Variants in ZNF318 observed in about 807,000 individuals in gnomAD.
The protein encoded by ZNF318 is zinc finger protein 318, also known as endocrine regulator.
A neutral mutation model predicts 124.2 loss-of-function variants in ZNF318; 51 were observed. The observed-to-expected ratio is 0.41, with a 90% CI of 0.33 to 0.52. The LOEUF (loss-of-function observed/expected upper bound fraction) is 0.52. Ranked by LOEUF, ZNF318 falls within the 20% of genes least tolerant of loss-of-function variation. ZNF318 has a pLI of 0.23. For missense variants in ZNF318, 2,815 were observed against 2,811.2 expected (o/e 1.00, Z -0.03); for synonymous variants, 1,090 against 1,040.7 (o/e 1.05, Z -0.91).
At chr6:43,346,078 G>GT (rs1409308783) in intron 6 of ZNF318, among the ~76,000 whole-genome samples, 3 of 148,626 alleles carry the variant, frequency 2.0e-5, no homozygotes, top group Non-Finnish European at 4.4e-5. Flanking sequence ...GCACACGCCT[G>GT]TAACTCCAGC....
chr6:43,337,213 T>C lies in ZNF318; in HGVS notation c.6785A>G (p.Gln2262Arg). The part of the protein sequence containing the change: ...DNMVPQGMPE[Q>R]ETTVGAIQDH... ...CTGGATGGCACCAACTGTAGTTTCC[T>C]GTTCAGGCATTCCCTGAGGGACCAT... The change falls in exon 10 of 10, where the codon CAG becomes CGG. Residue 2262 changes from glutamine to arginine, a missense_variant. By Grantham distance (43) the Gln-to-Arg change is conservative. Coordinates refer to ENST00000361428, the MANE Select transcript of ZNF318 (RefSeq NM_014345.3). 4.3e-6 allele frequency: 7 copies of C among 1,613,780 alleles called. No individual in the cohort carries two copies. The highest frequency in any genetic ancestry group is 5.9e-6 in the Non-Finnish European group (7 of 1,179,784).
In ZNF318 at chr6:43,338,513, G is replaced by A. The variant is rs750749158; in HGVS notation, c.5485C>T (p.Leu1829=). 19 of 1,614,034 alleles carry A rather than the reference G, an allele frequency of 1.2e-5. No homozygotes were observed. Among genetic ancestry groups the A allele is most frequent in the East Asian group, 8.9e-5 (4 of 44,902 alleles). The change falls in exon 10 of 10, where the codon CTA becomes TTA. Residue 1829 remains leucine (L), a synonymous_variant. Coordinates refer to ENST00000361428, the MANE Select transcript of ZNF318 (RefSeq NM_014345.3). ...TGTTCAGCCTCTTTGTCAATCATTA[G>A]CAAGTTGGGCTGTTTTACTTCTCCC... is the stretch of plus-strand genomic sequence containing the variant. ...WEGEVKQPNL[L]MIDKEAEQSN...
intron 2 of ZNF318, among the ~76,000 whole-genome samples, chr6:43,361,477 AC>A (rs1207550240): frequency 6.6e-6 from 1 of 152,208 alleles, no homozygotes; most frequent in Non-Finnish European, 1.5e-5. Flanking sequence ...AGCTGGGAGG[AC>A]CACTTGAGCC....
chr6:43,348,567 C>T lies in ZNF318; in HGVS notation c.2829G>A (p.Val943=), dbSNP rs1315685074. 6.2e-7 allele frequency: 1 copy of T among 1,614,086 alleles called. No homozygotes were observed. The highest frequency in any genetic ancestry group is 2.2e-5 in the East Asian group (1 of 44,902). The change falls in exon 6 of 10, where the codon GTG becomes GTA. Residue 943 remains valine (V), a synonymous_variant. Coordinates refer to ENST00000361428, the MANE Select transcript of ZNF318 (RefSeq NM_014345.3). ...EKDGHKDPLL[V]EVSRLQDNIM... is the part of the protein sequence containing the mutation. ...TGTTATCCTGAAGCCGACTCACCTC[C>T]ACCAAGAGAGGATCTTTGTGGCCAT... is the stretch of plus-strand genomic sequence containing the variant.
In ZNF318 at chr6:43,339,999, G is replaced by C. The variant is rs1276916348; in HGVS notation, c.3999C>G (p.Thr1333=). The change falls in exon 10 of 10, where the codon ACC becomes ACG. Residue 1333 remains threonine (T), a synonymous_variant. Transcript: ENST00000361428. This position sits in a 1 kb window ranked among gnomAD's most constrained non-coding sequence, Gnocchi z 4.2. ...TTGTCACAACAGGCATCCAAGGGCT[G>C]GTATGTGCAACAACAGTTTTCCCAG... ...KLSGKTVVAH[T]SPWMPVVTTS... is the part of the protein sequence containing the mutation. 3.1e-6 allele frequency: 5 copies of C among 1,614,180 alleles called. No homozygotes were observed. The highest frequency in any genetic ancestry group is 2.2e-5 in the East Asian group (1 of 44,890).
At chr6:43,346,585 TTAA>T (rs1581642053) in intron 6 of ZNF318, among the ~76,000 whole-genome samples, 1 of 150,332 alleles carries the variant, frequency 6.7e-6, no homozygotes, top group East Asian at 1.9e-4. Flanking sequence ...AGAAGAGTCT[TTAA>T]ATAAGACAAC....
Position 43,342,798 on chromosome 6 carries a change from C to T in ZNF318, c.3154G>A (p.Asp1052Asn). The T allele has an allele frequency of 6.2e-7, 1 of 1,614,180 alleles. No individual in the cohort carries two copies. The change falls in exon 7 of 10, where the codon GAT becomes AAT. Residue 1052 changes from aspartate (D) to asparagine (N), a missense_variant. This residue lies in a region of ZNF318 where 500 missense variants were observed against 605.2 expected (regional missense o/e 0.83). Transcript: ENST00000361428. ...TACTCATAAGCAGCAGTGGGCTGAT[C>T]CAACTGCTTAGTGGCTGACTGGGGG... Reference protein sequence around the residue: ...ESPQSATKQLDQPTAAYEYYD... With the variant: ...ESPQSATKQLNQPTAAYEYYD...
Position 43,338,433 on chromosome 6 carries a change from C to T in ZNF318, c.5565G>A (p.Leu1855=), listed in dbSNP as rs1400858050. The part of the protein sequence containing the change: ...SETPSKVVIK[L]SPQACSFTKA... The stretch of plus-strand genomic sequence containing the variant: ...TTGTGAAAGAGCAAGCCTGTGGACT[C>T]AATTTGATCACTACTTTACTTGGAG... The change falls in exon 10 of 10, where the codon TTG becomes TTA. Residue 1855 remains leucine, a synonymous_variant. Coordinates refer to ENST00000361428, the MANE Select transcript of ZNF318 (RefSeq NM_014345.3). 6.2e-7 allele frequency: 1 copy of T among 1,614,172 alleles called. No individual in the cohort carries two copies. The highest frequency in any genetic ancestry group is 1.7e-5 in the Admixed American group (1 of 60,020).
In ZNF318 at chr6:43,357,777, GA is replaced by G; in HGVS notation, c.549-13del. 6.4e-7 allele frequency: 1 copy of G among 1,573,820 alleles called. No individual in the cohort carries two copies. The highest frequency in any genetic ancestry group is 8.5e-7 in the Non-Finnish European group (1 of 1,169,766). On this transcript the variant is annotated splice_polypyrimidine_tract_variant and intron_variant, in intron 2 of 9. Transcript: ENST00000361428. ...CAGTCAGGTCATCCCTGAGGAAAAA[GA>G]GAAGCATCATTGAACAAATGGACTT...
In ZNF318 at chr6:43,355,328, C is replaced by A. The variant is rs148372432; in HGVS notation, c.2006G>T (p.Arg669Leu). The A allele has an allele frequency of 6.2e-7, 1 of 1,614,028 alleles. No individual in the cohort carries two copies. The highest frequency in any genetic ancestry group is 8.5e-7 in the Non-Finnish European group (1 of 1,180,036). ...SVDHCFSADR[R>L]SSDPHRLESR... is the part of the protein sequence containing the mutation. ...CTCTAGTCTGTGGGGATCTGAGGAA[C>A]GTCGATCAGCTGAGAAGCAGTGGTC... The change falls in exon 4 of 10, where the codon CGT becomes CTT. Residue 669 changes from arginine to leucine, a missense_variant. By Grantham distance (102) the Arg-to-Leu change is moderately radical. Around this residue, in one of 4 missense-constraint regions of ZNF318, gnomAD observed 1,377 missense variants for 1,353.5 expected, o/e 1.02. Transcript: ENST00000361428.
chr6:43,369,022 C>T lies in ZNF318; in HGVS notation c.344G>A (p.Arg115His), dbSNP rs1218477510. 1.4e-6 allele frequency: 2 copies of T among 1,433,900 alleles called. No homozygotes were observed. The highest frequency in any genetic ancestry group is 5.0e-5 in the Admixed American group (2 of 39,958). 88.8% of individuals were successfully genotyped at this position (1,433,900 alleles called of 1,614,324 possible). The change falls in exon 1 of 10, where the codon CGC (arginine) becomes CAC (histidine). Residue 115 changes from arginine (R) to histidine (H), a missense_variant. Arg to His is a conservative substitution (Grantham distance 29, BLOSUM62 0). This residue lies in a region of ZNF318 where 1,377 missense variants were observed against 1,353.5 expected (regional missense o/e 1.02). Coordinates refer to ENST00000361428, the MANE Select transcript of ZNF318 (RefSeq NM_014345.3). The part of the protein sequence containing the change: ...GFRGSSRGES[R>H]ADYARDGRGD... ...GCGGCCGTCCCGGGCATAGTCGGCG[C>T]GGGACTCCCCCCGGCTGCTGCCTCT...
chr6:43,338,797 T>A lies in ZNF318; in HGVS notation c.5201A>T (p.Gln1734Leu). ...TTCTTTGCACTGTATATCTAACAGT[T>A]GAGGAGGTGGTTCTACACCAGGTGG... ...PGPPGVEPPPQLLDIQCKESQ... is the reference protein window; with the variant it reads ...PGPPGVEPPPLLLDIQCKESQ... Residue 1734 changes from glutamine (Q) to leucine (L), a missense_variant, in exon 10 of 10, where the codon CAA becomes CTA. Gln to Leu is a moderately radical substitution (Grantham distance 113). This residue lies in a region of ZNF318 where 927 missense variants were observed against 820.6 expected (regional missense o/e 1.13). Transcript: ENST00000361428. 2 of 1,614,098 alleles carry A rather than the reference T, an allele frequency of 1.2e-6. No individual in the cohort carries two copies. The highest frequency in any genetic ancestry group is 1.7e-6 in the Non-Finnish European group (2 of 1,180,020).
At chr6:43,358,792 GT>G (rs1487809103) in intron 2 of ZNF318, among the ~76,000 whole-genome samples, 2 of 152,088 alleles carry the variant, frequency 1.3e-5, no homozygotes, top group Non-Finnish European at 2.9e-5. Context: ...CTGATCTCAG[GT>G]GATCTGCCCG....
At chr6:43,340,660 T>A in intron 9 of ZNF318, 130 bp downstream of exon 9, 1 of 1,502,644 alleles carries the variant, frequency 6.7e-7, no homozygotes, top group South Asian at 1.3e-5. Context: ...CCACTAGGAT[T>A]GAGGAGAACT....
chr6:43,349,969 G>C (rs1353937523), intron 5 of ZNF318, among the ~76,000 whole-genome samples: 1 of 152,116 alleles, frequency 6.6e-6, no homozygotes, highest in Admixed American at 6.5e-5. Context: ...AGAAAAAAAG[G>C]CCGGGTGGGG....
At chr6:43,351,947 A>T (rs6928502) in intron 5 of ZNF318, among the ~76,000 whole-genome samples, 2 of 152,080 alleles carry the variant, frequency 1.3e-5, no homozygotes, top group Non-Finnish European at 2.9e-5. Context: ...TCGAGACCAA[A>T]CTGGTCAACA....
intron 5 of ZNF318, among the ~76,000 whole-genome samples, 191 bp downstream of exon 5, chr6:43,352,183 TCAC>T (rs560381745): frequency 9.1e-6 from 1 of 110,386 alleles, no homozygotes; most frequent in South Asian, 2.9e-4. Context: ...ATCATCATCA[TCAC>T]CACCACCATC....
Position 43,369,398 on chromosome 6 carries a change from T to C in ZNF318, c.-33A>G. On this transcript the variant is annotated 5_prime_UTR_variant, in exon 1 of 10. Coordinates refer to ENST00000361428, the MANE Select transcript of ZNF318 (RefSeq NM_014345.3). ...GCAGCGGCGGCCACGGCGACAGCTC[T>C]GACCCGGGGGCGCCCTAGACGCAGG... 1 of 1,198,440 alleles carries C rather than the reference T, an allele frequency of 8.3e-7. No individual in the cohort carries two copies. The highest frequency in any genetic ancestry group is 1.0e-6 in the Non-Finnish European group (1 of 964,986). The allele number at this position is 1,198,440 out of a possible 1,614,324, so 74.2% of individuals were successfully genotyped here. A position where few individuals can be genotyped will look rare whatever the true frequency, so the allele number is the denominator to read the frequency against.
In ZNF318 at chr6:43,369,220, G is replaced by A; in HGVS notation, c.146C>T (p.Ser49Leu). Residue 49 changes from serine to leucine, a missense_variant, in exon 1 of 10, where the codon TCG (serine) becomes TTG (leucine). Ser to Leu is a moderately radical substitution (Grantham distance 145). This residue lies in a region of ZNF318 where 1,377 missense variants were observed against 1,353.5 expected (regional missense o/e 1.02). Transcript: ENST00000361428. ...SSPPPPPSGS[S>L]SRTPARRPRS... The stretch of plus-strand genomic sequence containing the variant: ...GGGTCGGCGAGCCGGGGTCCGCGAC[G>A]AGGAGCCGGAGGGCGGAGGCGGCGG... The A allele has an allele frequency of 1.6e-6, 2 of 1,218,036 alleles. No homozygotes were observed. Among genetic ancestry groups the A allele is most frequent in the Non-Finnish European group, 2.0e-6 (2 of 979,532 alleles). The allele number at this position is 1,218,036 out of a possible 1,614,324, so 75.5% of individuals were successfully genotyped here. A position where few individuals can be genotyped will look rare whatever the true frequency, so the allele number is the denominator to read the frequency against.
Sources: allele counts gnomAD v4.1 joint callset (sites outside exome capture counted in the v4.1 genomes callset), GRCh38; gene constraint gnomAD v4.1.1; regional missense constraint gnomAD v4.1.1; non-coding constraint Gnocchi (gnomAD v3.1); transcripts MANE v1.5; gene names NCBI Gene and HGNC (gene_info 2026-07-23, HGNC 2026-07-21).